The following AGBL1 variants were observed in gnomAD, a reference collection of about 807,000 sequenced individuals.
The protein encoded by AGBL1 is cytosolic carboxypeptidase 4.
In AGBL1, 130 loss-of-function variants were observed where a neutral mutation model predicts 118.9. That is an observed-to-expected ratio of 1.09 (90% CI 0.95 to 1.26). The LOEUF (loss-of-function observed/expected upper bound fraction) is 1.26, where lower values mean the gene tolerates loss of function less well. Among genes scored for constraint, AGBL1 ranks in the 50% most tolerant of loss-of-function variants. The probability of loss-of-function intolerance (pLI) is 0.00; values close to 1 mark genes in which losing one functional copy is unlikely to be tolerated. For missense variants in AGBL1, 1,584 were observed against 1,298.1 expected (o/e 1.22, Z -3.38); for synonymous variants, 555 against 478.9 (o/e 1.16, Z -2.08).
At chr15:86,206,559 G>A (rs1301128487) in intron 5 of AGBL1, among the ~76,000 whole-genome samples, 1 of 152,160 alleles carries the variant, frequency 6.6e-6, no homozygotes, top group Non-Finnish European at 1.5e-5. Context: ...TTTCTCTGAT[G>A]GCCAGTGATG....
At chr15:86,947,163 A>C (rs2080834953) in intron 23 of AGBL1, among the ~76,000 whole-genome samples, 1 of 152,210 alleles carries the variant, frequency 6.6e-6, no homozygotes, top group Non-Finnish European at 1.5e-5. Flanking sequence ...GATCTTAATG[A>C]ATAATGAATA....
intron 5 of AGBL1, among the ~76,000 whole-genome samples, chr15:86,161,491 T>C (rs879674968): frequency 6.6e-6 from 1 of 152,244 alleles, no homozygotes; most frequent in Non-Finnish European, 1.5e-5. Flanking sequence ...GTCTGATACA[T>C]GAGCCTCAGC....
intron 21 of AGBL1, among the ~76,000 whole-genome samples, chr15:86,564,994 G>T (rs1332304578): frequency 6.6e-6 from 1 of 152,070 alleles, no homozygotes; most frequent in Admixed American, 6.5e-5. Flanking sequence ...GGTCCTTTAA[G>T]GACTTCTCTA....
intron 21 of AGBL1, among the ~76,000 whole-genome samples, chr15:86,560,596 A>G (rs538734203): frequency 1.1e-3 from 170 of 152,354 alleles, no homozygotes; most frequent in African/African-American, 3.8e-3. Flanking sequence ...GCCACAATAA[A>G]CACACATGTG....
intron 24 of AGBL1, among the ~76,000 whole-genome samples, chr15:87,008,406 C>T (rs979597059): frequency 1.3e-5 from 2 of 152,212 alleles, no homozygotes; most frequent in Non-Finnish European, 2.9e-5. Context: ...TGACTTGCTC[C>T]TCCTTGCCTT....
At chr15:86,418,930 C>A (rs1468726657) in intron 18 of AGBL1, among the ~76,000 whole-genome samples, 4 of 152,114 alleles carry the variant, frequency 2.6e-5, no homozygotes, top group Non-Finnish European at 5.9e-5. Flanking sequence ...GTGTTTTAAT[C>A]TAGAAAATGC....
chr15:86,181,467 C>T (rs1418664955), intron 5 of AGBL1, among the ~76,000 whole-genome samples: 2 of 151,784 alleles, frequency 1.3e-5, no homozygotes, highest in Non-Finnish European at 2.9e-5. Flanking sequence ...GTAAAATAAA[C>T]TATGGTGAGA....
At chr15:86,334,263 G>T (rs986083634) in intron 17 of AGBL1, among the ~76,000 whole-genome samples, 3 of 152,110 alleles carry the variant, frequency 2.0e-5, no homozygotes, top group Non-Finnish European at 2.9e-5. Flanking sequence ...TCTATACCTA[G>T]AGAACCCTAA....
chr15:86,456,224 C>T (rs2082256862), intron 18 of AGBL1, among the ~76,000 whole-genome samples: 1 of 152,162 alleles, frequency 6.6e-6, no homozygotes, highest in Admixed American at 6.5e-5. Flanking sequence ...GTAAATTTTG[C>T]ATTAATAAGT....
At chr15:86,474,328 A>G (rs2082522523) in intron 18 of AGBL1, among the ~76,000 whole-genome samples, 1 of 152,208 alleles carries the variant, frequency 6.6e-6, no homozygotes, top group Non-Finnish European at 1.5e-5. Context: ...TTTCCTAGCT[A>G]AGTGAAGCTG....
At chr15:86,863,892 A>T (rs767789115) in intron 22 of AGBL1, among the ~76,000 whole-genome samples, 10 of 152,264 alleles carry the variant, frequency 6.6e-5, no homozygotes, top group Non-Finnish European at 1.0e-4. Context: ...GAACCATTTC[A>T]TAGGTTTGTT....
intron 5 of AGBL1, among the ~76,000 whole-genome samples, chr15:86,214,215 T>C (rs1293139063): frequency 6.6e-6 from 1 of 152,210 alleles, no homozygotes; most frequent in Non-Finnish European, 1.5e-5. Context: ...TCAGAAACTG[T>C]CTGCTGGGTG....
At chr15:86,080,285 T>A (rs1567041374) in intron 1 of AGBL1, 2 of 332,868 alleles carry the variant, frequency 6.0e-6, no homozygotes, top group Non-Finnish European at 5.4e-6. Context: ...AAGATCCGAG[T>A]TTTCTAGAAA....
chr15:86,252,271 G>A (rs777003882), intron 7 of AGBL1, among the ~76,000 whole-genome samples: 5 of 152,192 alleles, frequency 3.3e-5, no homozygotes, highest in African/African-American at 4.8e-5. Flanking sequence ...CTCCTCTCTG[G>A]CCAACAAGAC....
intron 9 of AGBL1, among the ~76,000 whole-genome samples, chr15:86,260,804 C>G (rs541722826): frequency 1.3e-5 from 2 of 152,244 alleles, no homozygotes; most frequent in South Asian, 4.1e-4. Flanking sequence ...GAAAGCATTA[C>G]CTGGATTAGG....
chr15:86,974,105 T>TA (rs1464552547), intron 23 of AGBL1, among the ~76,000 whole-genome samples: 2,382 of 58,398 alleles, frequency 0.041, 2 homozygotes, highest in East Asian at 0.15. Flanking sequence ...AATATAAACA[T>TA]TTTAATATAT....
At chr15:86,788,472 C>T (rs1055852847) in intron 22 of AGBL1, among the ~76,000 whole-genome samples, 6 of 152,022 alleles carry the variant, frequency 3.9e-5, no homozygotes, top group African/African-American at 9.7e-5. Context: ...GCACTAAGTA[C>T]GGGACAATAT....
chr15:86,919,526 C>T (rs534072088), downstream of AGBL1, among the ~76,000 whole-genome samples: 1 of 151,826 alleles, frequency 6.6e-6, no homozygotes, highest in South Asian at 2.1e-4. Context: ...ACTGAAATCT[C>T]TAGGGCTCAT....
intron 18 of AGBL1, among the ~76,000 whole-genome samples, chr15:86,447,199 A>T (rs1031478938): frequency 6.6e-6 from 1 of 152,202 alleles, no homozygotes; most frequent in African/African-American, 2.4e-5. Flanking sequence ...CCTCTTCTCC[A>T]CCATGTGGTT....
Sources: allele counts gnomAD v4.1 joint callset (sites outside exome capture counted in the v4.1 genomes callset), GRCh38; gene constraint gnomAD v4.1.1; transcripts MANE v1.5; gene names NCBI Gene and HGNC (gene_info 2026-07-23, HGNC 2026-07-21).